C7orf78: variants seen among roughly 807,000 people sequenced by gnomAD.
C7orf78 encodes the protein chromosome 7 open reading frame 78.
the C7orf78 span, among the ~76,000 whole-genome samples, chr7:12,496,881 G>T: frequency 1.5e-3 from 228 of 152,110 alleles, 1 homozygote; most frequent in African/African-American, 4.9e-3. Flanking sequence ...CAACTTTACT[G>T]CCGTTTTCAT....
At chr7:12,540,493 T>A in the C7orf78 span, among the ~76,000 whole-genome samples, 1 of 150,926 alleles carries the variant, frequency 6.6e-6, no homozygotes, top group African/African-American at 2.5e-5. Context: ...CAGTGTTTAG[T>A]CAGGTATTAT....
At chr7:12,511,976 C>T in the C7orf78 span, among the ~76,000 whole-genome samples, 18 of 133,424 alleles carry the variant, frequency 1.3e-4, no homozygotes, top group African/African-American at 2.6e-4. Context: ...GGGGTTTCAC[C>T]GTGTTAGCCA....
chr7:12,498,175 G>T, the C7orf78 span, among the ~76,000 whole-genome samples: 1 of 151,936 alleles, frequency 6.6e-6, no homozygotes, highest in Non-Finnish European at 1.5e-5. Flanking sequence ...AAAGCAGAGC[G>T]CCTCTCCTCC....
the C7orf78 span, chr7:12,496,566 A>G: frequency 0.095 from 14,527 of 152,168 alleles, 856 homozygotes; most frequent in Non-Finnish European, 0.13. Context: ...TCCTCTCACT[A>G]ATTTCTCATG....
chr7:12,524,943 A>C, the C7orf78 span, among the ~76,000 whole-genome samples: 2 of 150,920 alleles, frequency 1.3e-5, no homozygotes, highest in Non-Finnish European at 3.0e-5. Context: ...GCTTCTATAA[A>C]TGACTGAATT....
the C7orf78 span, among the ~76,000 whole-genome samples, chr7:12,501,110 C>G: frequency 4.3e-3 from 618 of 143,380 alleles, no homozygotes; most frequent in Non-Finnish European, 7.1e-3. Context: ...TATGACAAAC[C>G]CACAGCCAAT....
At chr7:12,499,952 A>G in the C7orf78 span, among the ~76,000 whole-genome samples, 31 of 127,428 alleles carry the variant, frequency 2.4e-4, no homozygotes, top group Admixed American at 5.0e-4. Flanking sequence ...ATCTACATGG[A>G]AACTGAACAA....
At chr7:12,524,373 C>G in the C7orf78 span, among the ~76,000 whole-genome samples, 2 of 150,086 alleles carry the variant, frequency 1.3e-5, no homozygotes, top group African/African-American at 4.9e-5. Context: ...GAGCTATAGT[C>G]AATAACTCTC....
chr7:12,494,296 T>A, the C7orf78 span, among the ~76,000 whole-genome samples: 1 of 152,310 alleles, frequency 6.6e-6, no homozygotes, highest in East Asian at 1.9e-4. Flanking sequence ...GTGTACATGG[T>A]GCATGATGGA....
chr7:12,507,157 A>AG, the C7orf78 span: 2 of 235,086 alleles, frequency 8.5e-6, no homozygotes, highest in African/African-American at 4.8e-5. Context: ...AAAAAAAAAA[A>AG]AAAGCTGGGC....
the C7orf78 span, among the ~76,000 whole-genome samples, chr7:12,514,420 C>G: frequency 9.2e-5 from 14 of 151,686 alleles, no homozygotes; most frequent in African/African-American, 3.2e-4. Flanking sequence ...CCTGTATTTT[C>G]CATGTATGTC....
the C7orf78 span, among the ~76,000 whole-genome samples, chr7:12,492,233 C>A: frequency 1.3e-5 from 2 of 152,104 alleles, no homozygotes; most frequent in East Asian, 3.9e-4. Context: ...AATACTTGCA[C>A]TGGAGTATAG....
chr7:12,521,328 G>C, the C7orf78 span, among the ~76,000 whole-genome samples: 1 of 151,024 alleles, frequency 6.6e-6, no homozygotes, highest in Admixed American at 6.6e-5. Context: ...TTTGTGGCTT[G>C]GTTGTTTTCT....
the C7orf78 span, among the ~76,000 whole-genome samples, chr7:12,539,512 CCTTAATTT>C: frequency 6.6e-6 from 1 of 152,046 alleles, no homozygotes; most frequent in Non-Finnish European, 1.5e-5. Flanking sequence ...TTCCTTAATT[CCTTAATTT>C]GGACAGAAGA....
At chr7:12,484,030 T>A in the C7orf78 span, 1 of 152,182 alleles carries the variant, frequency 6.6e-6, no homozygotes, top group Admixed American at 6.5e-5. Flanking sequence ...AGGTCGATCT[T>A]ATGTTGGAAT....
the C7orf78 span, among the ~76,000 whole-genome samples, chr7:12,485,929 C>T: frequency 6.6e-6 from 1 of 152,116 alleles, no homozygotes; most frequent in African/African-American, 2.4e-5. Flanking sequence ...GGAGATAGAT[C>T]CGATAAATCA....
At chr7:12,513,479 A>T in the C7orf78 span, among the ~76,000 whole-genome samples, 1 of 152,078 alleles carries the variant, frequency 6.6e-6, no homozygotes, top group Non-Finnish European at 1.5e-5. Context: ...AGAAATTTTT[A>T]AATTAAAAAA....
chr7:12,515,040 T>C, the C7orf78 span, among the ~76,000 whole-genome samples: 1 of 152,298 alleles, frequency 6.6e-6, no homozygotes, highest in South Asian at 2.1e-4. Context: ...TCTCTTGTTG[T>C]TTTTATAAAC....
chr7:12,503,096 G>A, the C7orf78 span, among the ~76,000 whole-genome samples: 1 of 136,902 alleles, frequency 7.3e-6, no homozygotes, highest in Non-Finnish European at 1.6e-5. Flanking sequence ...GGTGGGGGTA[G>A]GGGGGAGGGA....
Sources: gnomAD v4.1 joint callset for allele counts (sites outside exome capture counted in the v4.1 genomes callset) on GRCh38, gnomAD v4.1.1 for gene constraint, MANE v1.5 for transcripts, NCBI Gene and HGNC (gene_info 2026-07-23, HGNC 2026-07-21) for gene names.